Variants in FOXN3 observed in about 807,000 individuals in gnomAD.
The protein encoded by FOXN3 is forkhead box protein N3.
A neutral mutation model predicts 38.4 loss-of-function variants in FOXN3; 7 were observed. That is an observed-to-expected ratio of 0.18 (90% CI 0.10 to 0.34). The LOEUF is 0.34. Among genes scored for constraint, FOXN3 ranks in the 10% least tolerant of loss-of-function variants. The probability of loss-of-function intolerance (pLI) is 1.00; values close to 1 mark genes in which losing one functional copy is unlikely to be tolerated. For missense variants in FOXN3, 456 were observed against 613.4 expected (o/e 0.74, Z 2.71); for synonymous variants, 230 against 242.2 (o/e 0.95, Z 0.47).
chr14:89,251,291 G>A (rs371089718), intron 4 of FOXN3, among the ~76,000 whole-genome samples: 2 of 152,246 alleles, frequency 1.3e-5, no homozygotes, highest in East Asian at 3.9e-4. Context: ...ATTCACCCTA[G>A]GCAGCTGACC....
chr14:89,335,123 A>ACACACACACAC (rs1888409775), intron 3 of FOXN3, among the ~76,000 whole-genome samples: 1 of 149,400 alleles, frequency 6.7e-6, no homozygotes, highest in Non-Finnish European at 1.5e-5. Context: ...ACACACACAC[A>ACACACACACAC]AATGGTAACT....
At chr14:89,607,965 C>T (rs1263475969) in intron 1 of FOXN3, among the ~76,000 whole-genome samples, 3 of 146,044 alleles carry the variant, frequency 2.1e-5, no homozygotes, top group Non-Finnish European at 4.5e-5. Context: ...TACAGGCATG[C>T]GCCACAACAC....
At chr14:89,604,417 T>TATATAAGA (rs1491447925) in intron 1 of FOXN3, among the ~76,000 whole-genome samples, 1 of 151,872 alleles carries the variant, frequency 6.6e-6, no homozygotes, top group African/African-American at 2.4e-5. Flanking sequence ...AGGGAACGAG[T>TATATAAGA]ATATAAGAAT....
chr14:89,408,895 C>T (rs1052379461), intron 2 of FOXN3, among the ~76,000 whole-genome samples: 1 of 152,060 alleles, frequency 6.6e-6, no homozygotes, highest in Non-Finnish European at 1.5e-5. Flanking sequence ...TAGGAAAAAA[C>T]AAGTTTACCC....
chr14:89,576,552 C>T lies in FOXN3; in HGVS notation c.-15+42476G>A, dbSNP rs563996745. The T allele has an allele frequency of 4.1e-5, 6 of 147,362 alleles. No individual in the cohort carries two copies. In the East Asian group the frequency reaches 1.2e-3, roughly 29 times the overall value. 9.1% of individuals were successfully genotyped at this position (147,362 alleles called of 1,614,324 possible). A position where few individuals can be genotyped will look rare whatever the true frequency, so the allele number is the denominator to read the frequency against. On this transcript the variant is annotated intron_variant, in intron 1 of 6. Transcript: ENST00000345097. Reference sequence around the variant, plus strand: ...CTGTTACCTACAAAAAAAAAAAAACCCAAAACAAAACAAAACAGGTTGCAA... The same window carrying T: ...CTGTTACCTACAAAAAAAAAAAAACTCAAAACAAAACAAAACAGGTTGCAA...
chr14:89,186,288 G>A (rs529441742), intron 4 of FOXN3, among the ~76,000 whole-genome samples: 7 of 151,988 alleles, frequency 4.6e-5, no homozygotes, highest in African/African-American at 1.7e-4. Context: ...GGGGAGGAAC[G>A]CCTTCCCCCA....
intron 2 of FOXN3, chr14:89,355,201 G>GT (rs1370951817): frequency 2.7e-5 from 2 of 74,952 alleles, no homozygotes; most frequent in African/African-American, 7.5e-5. Flanking sequence ...TAGCAAAAAT[G>GT]TAAAAAAAAA....
At chr14:89,293,355 G>A (rs954424363) in intron 3 of FOXN3, among the ~76,000 whole-genome samples, 3 of 152,186 alleles carry the variant, frequency 2.0e-5, no homozygotes, top group South Asian at 4.1e-4. Flanking sequence ...CAGACTGGGG[G>A]GTTTAAGCAA....
At chr14:89,355,564 G>A (rs1378624953) in intron 2 of FOXN3, among the ~76,000 whole-genome samples, 2 of 152,082 alleles carry the variant, frequency 1.3e-5, no homozygotes, top group Admixed American at 1.3e-4. Flanking sequence ...TATTCAAACC[G>A]TGGGCCAGAT....
At chr14:89,544,252 A>G (rs960511522) in intron 1 of FOXN3, among the ~76,000 whole-genome samples, 3 of 151,676 alleles carry the variant, frequency 2.0e-5, no homozygotes, top group African/African-American at 4.8e-5. Context: ...TGTGTTAGCC[A>G]GGATGGTCTC....
At chr14:89,415,882 A>ACC (rs1555352607) in intron 1 of FOXN3, among the ~76,000 whole-genome samples, 11 of 135,002 alleles carry the variant, frequency 8.1e-5, no homozygotes, top group African/African-American at 2.9e-4. Context: ...ACACACACAC[A>ACC]CCCTCTTTTG....
intron 1 of FOXN3, among the ~76,000 whole-genome samples, chr14:89,547,277 CAT>C (rs1894906882): frequency 6.6e-6 from 1 of 150,908 alleles, no homozygotes; most frequent in African/African-American, 2.4e-5. Context: ...ATTTTTGAGA[CAT>C]AGTTTTGCTC....
intron 2 of FOXN3, among the ~76,000 whole-genome samples, chr14:89,407,460 T>C (rs553264452): frequency 6.6e-6 from 1 of 152,342 alleles, no homozygotes; most frequent in African/African-American, 2.4e-5. Context: ...GACTTGAGCA[T>C]GGTTGTTATG....
intron 1 of FOXN3, among the ~76,000 whole-genome samples, chr14:89,551,507 G>GCACTCAGCT (rs1190655756): frequency 2.6e-5 from 4 of 152,078 alleles, no homozygotes; most frequent in African/African-American, 9.7e-5. Flanking sequence ...AAAGGTCACA[G>GCACTCAGCT]CACTCAGCTC....
chr14:89,492,188 C>T (rs887351517), intron 1 of FOXN3, among the ~76,000 whole-genome samples: 8 of 152,308 alleles, frequency 5.3e-5, no homozygotes, highest in African/African-American at 1.7e-4. Context: ...AATAACAGAA[C>T]GTTATGTAAA....
upstream of FOXN3, chr14:89,417,819 C>A (rs1431149223): frequency 4.5e-6 from 2 of 448,112 alleles, no homozygotes; most frequent in Admixed American, 4.8e-5. Context: ...GCGTCCCACC[C>A]AGGTGGCCGC....
chr14:89,300,768 T>C (rs145842801), intron 3 of FOXN3, among the ~76,000 whole-genome samples: 1 of 152,278 alleles, frequency 6.6e-6, no homozygotes, highest in East Asian at 1.9e-4. Context: ...TACAGTTGTA[T>C]GTAATAGTGC....
chr14:89,255,646 AAGG>A (rs1228587564), intron 4 of FOXN3, among the ~76,000 whole-genome samples: 3 of 152,082 alleles, frequency 2.0e-5, no homozygotes, highest in Non-Finnish European at 4.4e-5. Flanking sequence ...TTGGCTATGA[AAGG>A]AGGATACAAA....
chr14:89,359,265 C>A lies in FOXN3; in HGVS notation c.544-8457G>T, dbSNP rs532087475. Among the ~76,000 whole-genome samples, 7 of 151,726 alleles carry A rather than the reference C, an allele frequency of 4.6e-5. No homozygotes were observed. In the South Asian group the frequency reaches 1.5e-3, roughly 32 times the overall value. ...GAGCCGAGATCACGCCACTGCACTC[C>A]AGCCTGGGCAACAGAGCGAGACTCC... On this transcript the variant is annotated intron_variant, in intron 2 of 5. Transcript: ENST00000557258.
Sources: allele counts gnomAD v4.1 joint callset (sites outside exome capture counted in the v4.1 genomes callset), GRCh38; gene constraint gnomAD v4.1.1; transcripts MANE v1.5; gene names NCBI Gene and HGNC (gene_info 2026-07-23, HGNC 2026-07-21).